CAMKMT: variants seen among roughly 807,000 people sequenced by gnomAD.
The protein encoded by CAMKMT is calmodulin-lysine N-methyltransferase, also known as CaM KMT.
A neutral mutation model predicts 48.0 loss-of-function variants in CAMKMT; 53 were observed. The observed-to-expected ratio is 1.10, with a 90% CI of 0.89 to 1.39. The LOEUF is 1.39. Among genes scored for constraint, CAMKMT ranks in the 40% most tolerant of loss-of-function variants. The pLI, the probability that CAMKMT is intolerant of heterozygous loss-of-function variation, is 0.00. For missense variants in CAMKMT, 428 were observed against 402.7 expected (o/e 1.06, Z -0.54); for synonymous variants, 165 against 152.3 (o/e 1.08, Z -0.61).
chr2:44,719,946 G>T (rs1275359480), intron 7 of CAMKMT, among the ~76,000 whole-genome samples: 1 of 152,136 alleles, frequency 6.6e-6, no homozygotes, highest in Non-Finnish European at 1.5e-5. Context: ...GAATCCTGAA[G>T]ACCGCTGAGA....
chr2:44,726,262 C>A (rs1183299149), intron 7 of CAMKMT, among the ~76,000 whole-genome samples: 1 of 152,156 alleles, frequency 6.6e-6, no homozygotes, highest in African/African-American at 2.4e-5. Context: ...TGTAAGCGTT[C>A]CCTTTTCTCC....
At chr2:44,384,456 G>T in intron 2 of CAMKMT, among the ~76,000 whole-genome samples, 1 of 146,504 alleles carries the variant, frequency 6.8e-6, no homozygotes, top group African/African-American at 2.5e-5. Context: ...TGTTCCTTTT[G>T]CTGTACAAAA....
At chr2:44,720,837 T>C (rs2104317180) in intron 7 of CAMKMT, among the ~76,000 whole-genome samples, 1 of 152,306 alleles carries the variant, frequency 6.6e-6, no homozygotes, top group South Asian at 2.1e-4. Flanking sequence ...AGTCTTTCTA[T>C]GCAAGAACAG....
chr2:44,724,138 G>A (rs891786599), intron 7 of CAMKMT, among the ~76,000 whole-genome samples: 1 of 152,140 alleles, frequency 6.6e-6, no homozygotes, highest in Non-Finnish European at 1.5e-5. Flanking sequence ...AGGTGCAGTG[G>A]CGTGTGCCTG....
chr2:44,468,470 A>G (rs546056762), intron 3 of CAMKMT, among the ~76,000 whole-genome samples: 1 of 152,364 alleles, frequency 6.6e-6, no homozygotes, highest in African/African-American at 2.4e-5. Context: ...AAATGGAACT[A>G]TCATATGATT....
At chr2:44,442,278 A>C (rs1028731235) in intron 3 of CAMKMT, among the ~76,000 whole-genome samples, 2 of 152,208 alleles carry the variant, frequency 1.3e-5, no homozygotes, top group African/African-American at 4.8e-5. Context: ...GAAGCCCAAG[A>C]GCAATGGTTA....
At chr2:44,731,111 C>T (rs990652169) in intron 7 of CAMKMT, among the ~76,000 whole-genome samples, 5 of 152,160 alleles carry the variant, frequency 3.3e-5, no homozygotes, top group Non-Finnish European at 4.4e-5. Flanking sequence ...GAGGCTGAAG[C>T]GGGTGGATCA....
chr2:44,480,047 A>G (rs1668887593), intron 3 of CAMKMT, among the ~76,000 whole-genome samples: 1 of 152,210 alleles, frequency 6.6e-6, no homozygotes, highest in African/African-American at 2.4e-5. Context: ...CTATACAAGC[A>G]TAATTTTCTC....
At chr2:44,632,908 G>T (rs189975942) in intron 3 of CAMKMT, among the ~76,000 whole-genome samples, 211 of 152,198 alleles carry the variant, frequency 1.4e-3, no homozygotes, top group Non-Finnish European at 2.6e-3. Context: ...GGCTCTCCTT[G>T]CTCCTCATCT....
intron 9 of CAMKMT, among the ~76,000 whole-genome samples, chr2:44,762,909 G>A (rs987624333): frequency 4.6e-5 from 7 of 152,114 alleles, no homozygotes; most frequent in African/African-American, 7.2e-5. Flanking sequence ...ATTCTGCAAC[G>A]GAATGCTTAG....
intron 3 of CAMKMT, among the ~76,000 whole-genome samples, chr2:44,443,808 G>A (rs917307489): frequency 3.3e-5 from 5 of 152,114 alleles, no homozygotes; most frequent in Non-Finnish European, 7.4e-5. Context: ...TCTGCGAAGG[G>A]AGTTCATCCG....
At chr2:44,468,143 C>A (rs2104641614) in intron 3 of CAMKMT, among the ~76,000 whole-genome samples, 1 of 152,186 alleles carries the variant, frequency 6.6e-6, no homozygotes, top group South Asian at 2.1e-4. Context: ...AGGAACTCAA[C>A]AATTCAACAG....
At chr2:44,535,969 A>G (rs746603454) in intron 3 of CAMKMT, among the ~76,000 whole-genome samples, 2 of 152,216 alleles carry the variant, frequency 1.3e-5, no homozygotes, top group Non-Finnish European at 2.9e-5. Context: ...TAGAAAAACC[A>G]AAAGACTCCA....
intron 3 of CAMKMT, among the ~76,000 whole-genome samples, chr2:44,469,630 T>G (rs1179880885): frequency 6.6e-6 from 1 of 152,124 alleles, no homozygotes; most frequent in Non-Finnish European, 1.5e-5. Flanking sequence ...CTTTCCAAAT[T>G]TTTTATTGTG....
chr2:44,712,999 C>T (rs142959677), intron 6 of CAMKMT, among the ~76,000 whole-genome samples: 1 of 151,822 alleles, frequency 6.6e-6, no homozygotes. Context: ...TTAAAAAAAC[C>T]TCTTAAACCA....
intron 3 of CAMKMT, among the ~76,000 whole-genome samples, chr2:44,699,630 A>C (rs1333696903): frequency 1.3e-5 from 2 of 151,674 alleles, no homozygotes; most frequent in South Asian, 2.1e-4. Context: ...GGGTTTCACT[A>C]TGTTGTCCAG....
intron 3 of CAMKMT, among the ~76,000 whole-genome samples, chr2:44,606,698 A>C (rs949193005): frequency 5.3e-5 from 8 of 152,148 alleles, no homozygotes; most frequent in Non-Finnish European, 8.8e-5. Context: ...AAACTTAAAA[A>C]GTCATCCAAT....
chr2:44,558,599 G>C (rs1668149845), intron 3 of CAMKMT, among the ~76,000 whole-genome samples: 2 of 151,994 alleles, frequency 1.3e-5, no homozygotes, highest in African/African-American at 2.4e-5. Context: ...TACTACACAG[G>C]CATAAAAAAG....
At chr2:44,424,421 G>A (rs144733391) in intron 3 of CAMKMT, among the ~76,000 whole-genome samples, 52 of 152,170 alleles carry the variant, frequency 3.4e-4, no homozygotes, top group African/African-American at 1.1e-3. Context: ...TTGCGCAAGT[G>A]GGGGCTATGT....
Sources: gnomAD v4.1 joint callset for allele counts (sites outside exome capture counted in the v4.1 genomes callset) on GRCh38, gnomAD v4.1.1 for gene constraint, MANE v1.5 for transcripts, NCBI Gene and HGNC (gene_info 2026-07-23, HGNC 2026-07-21) for gene names.